Variants in IQCM observed in about 807,000 individuals in gnomAD.
The protein encoded by IQCM is IQ motif containing M.
Under a neutral mutation model 57.6 loss-of-function variants are expected in IQCM, and 45 were observed. The ratio of observed to expected loss-of-function variants is 0.78; its 90% CI spans 0.62 to 1.00. The LOEUF (loss-of-function observed/expected upper bound fraction) is 1.00, where lower values mean the gene tolerates loss of function less well. Ranked by LOEUF, IQCM falls within the 50% of genes least tolerant of loss-of-function variation. IQCM has a pLI of 0.00. For missense variants in IQCM, 468 were observed against 511.6 expected (o/e 0.91, Z 0.82); for synonymous variants, 148 against 158.9 (o/e 0.93, Z 0.51).
chr4:149,447,010 C>T (rs1370701759), intron 12 of IQCM, among the ~76,000 whole-genome samples: 2 of 151,400 alleles, frequency 1.3e-5, no homozygotes. Flanking sequence ...AGCAAAGTGG[C>T]CCTTCCTTTC....
chr4:149,688,781 G>T (rs181855453), intron 5 of IQCM, among the ~76,000 whole-genome samples: 2 of 152,064 alleles, frequency 1.3e-5, no homozygotes, highest in Admixed American at 6.6e-5. Context: ...ACAGAAGAGA[G>T]AACCCAGAAA....
chr4:149,619,107 G>GATATATATATATATAT (rs70965194), intron 8 of IQCM, among the ~76,000 whole-genome samples: 4,185 of 125,124 alleles, frequency 0.033, 91 homozygotes, highest in Non-Finnish European at 0.04. Context: ...ATGTGGGATG[G>GATATATATATATATAT]ATATATATAT....
chr4:149,609,474 A>G (rs1755087640), intron 8 of IQCM, among the ~76,000 whole-genome samples: 1 of 151,938 alleles, frequency 6.6e-6, no homozygotes, highest in Non-Finnish European at 1.5e-5. Context: ...TTGACCATAG[A>G]TACAAAAATC....
chr4:149,464,944 G>A (rs1738687979), intron 12 of IQCM, among the ~76,000 whole-genome samples: 1 of 152,090 alleles, frequency 6.6e-6, no homozygotes, highest in African/African-American at 2.4e-5. Context: ...ATTTAAATAG[G>A]AATAGTTATG....
intron 2 of IQCM, among the ~76,000 whole-genome samples, chr4:149,800,668 A>G (rs995106438): frequency 1.3e-5 from 2 of 152,026 alleles, no homozygotes; most frequent in African/African-American, 4.8e-5. Context: ...AAGTCAACAC[A>G]GAAAAAGTAG....
intron 13 of IQCM, among the ~76,000 whole-genome samples, chr4:149,372,837 A>C (rs1730452587): frequency 6.6e-6 from 1 of 152,028 alleles, no homozygotes. Context: ...ACATCCTAGA[A>C]TTTTTATCAC....
chr4:149,772,439 G>C, intron 2 of IQCM, among the ~76,000 whole-genome samples: 1 of 152,184 alleles, frequency 6.6e-6, no homozygotes, highest in Middle Eastern at 3.4e-3. Flanking sequence ...AAATAGAAAT[G>C]TGCAAAATGA....
At chr4:149,492,497 T>A (rs1272065430) in intron 12 of IQCM, among the ~76,000 whole-genome samples, 1 of 152,128 alleles carries the variant, frequency 6.6e-6, no homozygotes, top group African/African-American at 2.4e-5. Flanking sequence ...CCTCCTCTTA[T>A]ATTCTCTGCT....
At chr4:149,373,329 AG>A (rs1241676373) in intron 13 of IQCM, among the ~76,000 whole-genome samples, 29 of 152,222 alleles carry the variant, frequency 1.9e-4, no homozygotes, top group African/African-American at 6.3e-4. Context: ...TTCAAACCTA[AG>A]TAGTGTAAGT....
chr4:149,565,777 T>C (rs1750567752), intron 9 of IQCM, among the ~76,000 whole-genome samples: 2 of 152,166 alleles, frequency 1.3e-5, no homozygotes, highest in South Asian at 4.1e-4. Flanking sequence ...CTAGTTCTCT[T>C]TGTGTCTATG....
intron 12 of IQCM, among the ~76,000 whole-genome samples, chr4:149,452,122 G>A (rs534577676): frequency 6.6e-6 from 1 of 151,668 alleles, no homozygotes; most frequent in African/African-American, 2.4e-5. Flanking sequence ...AAACATAGAA[G>A]TATAAATCAA....
chr4:149,794,452 A>G (rs1386136849), intron 2 of IQCM, among the ~76,000 whole-genome samples: 4 of 152,238 alleles, frequency 2.6e-5, no homozygotes, highest in Non-Finnish European at 5.9e-5. Flanking sequence ...ACCCAAGTAT[A>G]TATAGTTTAT....
intron 12 of IQCM, among the ~76,000 whole-genome samples, chr4:149,481,591 A>G (rs1028705734): frequency 1.3e-5 from 2 of 150,382 alleles, no homozygotes; most frequent in African/African-American, 4.9e-5. Flanking sequence ...TGAGTTTTCA[A>G]TTCTGTTCCA....
chr4:149,592,583 G>T (rs1161317329), intron 8 of IQCM, among the ~76,000 whole-genome samples: 1 of 151,646 alleles, frequency 6.6e-6, no homozygotes, highest in South Asian at 2.1e-4. Flanking sequence ...GGGTTTTTAT[G>T]GTTTTAGGTC....
At position 149,403,975 on chromosome 4, in the gene IQCM, A is replaced by G. The variant is rs138729011; in HGVS notation, c.1390+29421T>C. 1.4e-4 allele frequency among the ~76,000 whole-genome samples: 21 copies of G among 152,158 alleles called. No homozygotes were observed. In the East Asian group the frequency reaches 3.9e-3, roughly 28 times the overall value. On this transcript the variant is annotated intron_variant, in intron 13 of 13. Transcript: ENST00000636793. ...GAGAGAAATGAGTCAAGCACAGACA[A>G]ACAACCAAATAAATATTTCTTTAAT...
chr4:149,531,784 GT>G (rs1746774360), intron 12 of IQCM, among the ~76,000 whole-genome samples: 1 of 151,728 alleles, frequency 6.6e-6, no homozygotes, highest in African/African-American at 2.4e-5. Context: ...TTACCATTCT[GT>G]TTTACTTTTA....
chr4:149,813,555 C>T (rs923533395), intron 2 of IQCM, among the ~76,000 whole-genome samples: 9 of 152,016 alleles, frequency 5.9e-5, no homozygotes, highest in African/African-American at 2.2e-4. Context: ...GTACCAATTT[C>T]TCTAAAACTG....
At chr4:149,806,108 A>G (rs1774056434) in intron 2 of IQCM, among the ~76,000 whole-genome samples, 1 of 151,750 alleles carries the variant, frequency 6.6e-6, no homozygotes, top group Non-Finnish European at 1.5e-5. Flanking sequence ...CAAAATATGC[A>G]AAGAATTATA....
rs1041973935 is a variant in IQCM, at chr4:149,540,909, G to A, written c.1228+7546C>T. Among the ~76,000 whole-genome samples the A allele has an allele frequency of 3.3e-5, 5 of 151,962 alleles. No individual in the cohort carries two copies. The East Asian group carries it at 9.7e-4, about 29-fold the overall frequency. ...AAGGATGTGTCAAATTTCAATTTTA[G>A]AAGTTATTTAAAATAAGGCTACTCT... On this transcript the variant is annotated intron_variant, in intron 12 of 13. Transcript: ENST00000636793.
Sources: gnomAD v4.1 joint callset for allele counts (sites outside exome capture counted in the v4.1 genomes callset) on GRCh38, gnomAD v4.1.1 for gene constraint, MANE v1.5 for transcripts, NCBI Gene and HGNC (gene_info 2026-07-23, HGNC 2026-07-21) for gene names.